Variants in TRIM33 observed in about 807,000 individuals in gnomAD.
TRIM33 encodes the protein tripartite motif containing 33, also known as E3 ubiquitin-protein ligase TRIM33.
A neutral mutation model predicts 125.4 loss-of-function variants in TRIM33; 20 were observed. That is an observed-to-expected ratio of 0.16 (90% confidence interval 0.11 to 0.23). TRIM33 has a LOEUF of 0.23. Ranked by LOEUF, TRIM33 falls within the 10% of genes least tolerant of loss-of-function variation. The pLI, the probability that TRIM33 is intolerant of heterozygous loss-of-function variation, is 1.00. For missense variants in TRIM33, 920 were observed against 1,411.4 expected (o/e 0.65, Z 5.58); for synonymous variants, 564 against 513.9 (o/e 1.10, Z -1.32).
intron 7 of TRIM33, 146 bp downstream of exon 7, chr1:114,427,601 TG>T (rs1266523014): frequency 8.1e-6 from 6 of 741,744 alleles, no homozygotes; most frequent in East Asian, 2.8e-5. Flanking sequence ...GAGGAAACTT[TG>T]GGGGGTGGTG....
chr1:114,425,868 AGAT>A (rs991605853), intron 8 of TRIM33, 145 bp from the exon 9 acceptor site: 35 of 621,174 alleles, frequency 5.6e-5, no homozygotes, highest in Admixed American at 9.0e-5. Context: ...GTCAGTTTAA[AGAT>A]GATGATGATG....
intron 4 of TRIM33, among the ~76,000 whole-genome samples, chr1:114,448,993 G>A (rs1223853289): frequency 1.3e-5 from 2 of 151,974 alleles, no homozygotes; most frequent in African/African-American, 4.8e-5. Context: ...AAAATTGCTA[G>A]GACTTAATAG....
At chr1:114,452,194 C>G (rs1414133829) in intron 4 of TRIM33, among the ~76,000 whole-genome samples, 1 of 152,146 alleles carries the variant, frequency 6.6e-6, no homozygotes, top group African/African-American at 2.4e-5. Context: ...CATAAACAGG[C>G]TGGGCATGGT....
intron 4 of TRIM33, among the ~76,000 whole-genome samples, chr1:114,453,521 TA>T (rs1302779171): frequency 6.6e-6 from 1 of 152,166 alleles, no homozygotes; most frequent in African/African-American, 2.4e-5. Context: ...GATTGTTTAG[TA>T]AAAAAGTTAA....
chr1:114,423,746 A>G lies in TRIM33; in HGVS notation c.1860+845T>C, dbSNP rs559257850. 1.4e-4 allele frequency among the ~76,000 whole-genome samples: 21 copies of G among 152,242 alleles called. No individual in the cohort carries two copies. The East Asian group carries it at 3.7e-3, about 27-fold the overall frequency. On this transcript the variant is annotated intron_variant, in intron 10 of 19. Coordinates refer to ENST00000358465, the MANE Select transcript of TRIM33 (RefSeq NM_015906.4). ...AGCTCTTTCTGGGCGTACATGGACC[A>G]AAAAGTTGAAGGACCACTGTTCTAG...
chr1:114,473,967 G>A (rs886138973), intron 1 of TRIM33, among the ~76,000 whole-genome samples: 4 of 152,050 alleles, frequency 2.6e-5, no homozygotes, highest in Admixed American at 2.6e-4. Flanking sequence ...GAGTGCAGTG[G>A]CGCTCACTGC....
intron 4 of TRIM33, among the ~76,000 whole-genome samples, chr1:114,453,047 T>A (rs1342615812): frequency 2.6e-5 from 4 of 152,016 alleles, no homozygotes; most frequent in Admixed American, 2.6e-4. Context: ...GGGAAAAGAA[T>A]GGAGCAGAAA....
chr1:114,401,226 C>T (rs1441158582), intron 17 of TRIM33, among the ~76,000 whole-genome samples, 163 bp downstream of exon 17: 1 of 151,752 alleles, frequency 6.6e-6, no homozygotes, highest in Non-Finnish European at 1.5e-5. Context: ...TTAGTAGACA[C>T]GGGGTTTCAC....
At chr1:114,473,378 C>T (rs1193294099) in intron 1 of TRIM33, among the ~76,000 whole-genome samples, 1 of 151,992 alleles carries the variant, frequency 6.6e-6, no homozygotes, top group Non-Finnish European at 1.5e-5. Context: ...GGAAGGGGTT[C>T]TTATTCCTGA....
rs149354552 is a variant in TRIM33 at position 114,427,894 on chromosome 1, T to G, written c.1156A>C (p.Asn386His). 4.3e-5 allele frequency: 69 copies of G among 1,613,764 alleles called. No homozygotes were observed. Among genetic ancestry groups the G allele is most frequent in the Non-Finnish European group, 5.6e-5 (66 of 1,179,926 alleles). Reference protein sequence around the residue: ...KGKSLLQQLENVTKERQMKLL... With the variant: ...KGKSLLQQLEHVTKERQMKLL... The stretch of plus-strand genomic sequence containing the variant: ...TTCATCTGTCTTTCCTTTGTAACAT[T>G]CTGAAACAGAACAAGAGCTTCGCTG... The change falls in exon 7 of 20, where the codon AAT becomes CAT. Residue 386 changes from asparagine to histidine, a missense_variant and splice_region_variant. Asn to His is a moderately conservative substitution (Grantham distance 68). Coordinates refer to ENST00000358465, the MANE Select transcript of TRIM33 (RefSeq NM_015906.4).
chr1:114,487,903 C>CAA (rs573681532), intron 1 of TRIM33, among the ~76,000 whole-genome samples: 3,276 of 36,690 alleles, frequency 0.089, 169 homozygotes, highest in Middle Eastern at 0.11. Flanking sequence ...GACTCCGTCT[C>CAA]AAAAAAAAAA....
intron 4 of TRIM33, among the ~76,000 whole-genome samples, chr1:114,455,444 C>T (rs1019349505): frequency 1.3e-5 from 2 of 152,132 alleles, no homozygotes; most frequent in Non-Finnish European, 2.9e-5. Flanking sequence ...CCCCATGTAA[C>T]CTTACTGCTG....
chr1:114,405,815 A>G (rs969520173), intron 14 of TRIM33, 56 bp from the exon 15 acceptor site: 2 of 1,429,686 alleles, frequency 1.4e-6, no homozygotes, highest in South Asian at 2.6e-5. Context: ...ATTGTATGCC[A>G]TATGTGTATT....
intron 4 of TRIM33, among the ~76,000 whole-genome samples, chr1:114,445,746 A>G (rs1465927927): frequency 6.6e-6 from 1 of 152,262 alleles, no homozygotes; most frequent in East Asian, 1.9e-4. Flanking sequence ...AGTGACATCC[A>G]AAACAATGGA....
At chr1:114,420,145 A>G (rs999540374) in intron 11 of TRIM33, among the ~76,000 whole-genome samples, 1 of 152,238 alleles carries the variant, frequency 6.6e-6, no homozygotes, top group Non-Finnish European at 1.5e-5. Flanking sequence ...AATGCTTTTA[A>G]CTGAAACAAA....
In TRIM33 at chr1:114,410,231, G is replaced by T. The variant is rs1383176605; in HGVS notation, c.2147C>A (p.Thr716Asn). The change falls in exon 12 of 20, where the codon ACC becomes AAC. Residue 716 changes from threonine (T) to asparagine (N), a missense_variant. By Grantham distance (65) the Thr-to-Asn change is moderately conservative (BLOSUM62 0). This residue lies in a region of TRIM33 where 407 missense variants were observed against 589.7 expected (regional missense o/e 0.69). Transcript: ENST00000358465. ...GSHLPPQPTSTMNPSPGPSAL... is the reference protein window; with the variant it reads ...GSHLPPQPTSNMNPSPGPSAL... Reference sequence around the variant, plus strand: ...AGAGGGACCTGGAGAAGGATTCATGGTGCTTGTAGGCTGTGGGGGTAGGTG... The same window carrying T: ...AGAGGGACCTGGAGAAGGATTCATGTTGCTTGTAGGCTGTGGGGGTAGGTG... The T allele has an allele frequency of 6.2e-7, 1 of 1,614,056 alleles. No homozygotes were observed. Among genetic ancestry groups the T allele is most frequent in the Non-Finnish European group, 8.5e-7 (1 of 1,179,980 alleles).
At chr1:114,506,519 AAT>A (rs77140457) in intron 1 of TRIM33, among the ~76,000 whole-genome samples, 2,524 of 152,238 alleles carry the variant, frequency 0.017, 59 homozygotes, top group African/African-American at 0.052. Flanking sequence ...CAGATGCATC[AAT>A]ATGATTCCTA....
At chr1:114,400,581 G>C (rs531624088) in intron 17 of TRIM33, among the ~76,000 whole-genome samples, 2 of 152,320 alleles carry the variant, frequency 1.3e-5, no homozygotes, top group South Asian at 4.1e-4. Flanking sequence ...ACTTAAAGAT[G>C]AGACAAATTT....
chr1:114,472,936 A>G (rs1021077617), intron 1 of TRIM33, among the ~76,000 whole-genome samples: 1 of 152,162 alleles, frequency 6.6e-6, no homozygotes, highest in Non-Finnish European at 1.5e-5. Flanking sequence ...GAAACAAAAA[A>G]AAAAATTCAG....
Sources: gnomAD v4.1 joint callset for allele counts (sites outside exome capture counted in the v4.1 genomes callset) on GRCh38, gnomAD v4.1.1 for gene constraint, gnomAD v4.1.1 regional missense constraint, MANE v1.5 for transcripts, NCBI Gene and HGNC (gene_info 2026-07-23, HGNC 2026-07-21) for gene names.